Variants in DTNBP1 observed in about 807,000 individuals in gnomAD.
The protein encoded by DTNBP1 is dysbindin.
DTNBP1 carries 35 observed loss-of-function variants against 42.8 expected under a neutral mutation model. The observed-to-expected ratio is 0.82, with a 90% confidence interval of 0.63 to 1.09. The LOEUF (loss-of-function observed/expected upper bound fraction) is 1.09. Among genes scored for constraint, DTNBP1 ranks in the 50% least tolerant of loss-of-function variants. The pLI is 0.00. For synonymous variants in DTNBP1, 171 were observed against 162.2 expected (o/e 1.05, Z -0.41); for missense variants, 457 against 424.2 (o/e 1.08, Z -0.68).
At chr6:15,615,002 T>C (rs1758635580) in intron 6 of DTNBP1, 6 of 544,018 alleles carry the variant, frequency 1.1e-5, no homozygotes, top group South Asian at 5.0e-5. Context: ...GGCTCCTATT[T>C]TGCTGGAAAA....
chr6:15,524,000 T>G (rs1229987827), intron 9 of DTNBP1: 1 of 1,288,338 alleles, frequency 7.8e-7, no homozygotes, highest in Admixed American at 2.3e-5. Flanking sequence ...GTCTGGCACC[T>G]CAGCCCATAT....
chr6:15,558,761 CTGTTT>C (rs1447656898), intron 7 of DTNBP1, among the ~76,000 whole-genome samples: 1 of 152,166 alleles, frequency 6.6e-6, no homozygotes. Flanking sequence ...CCCATCCTTT[CTGTTT>C]TGTTTTTCAG....
intron 7 of DTNBP1, among the ~76,000 whole-genome samples, chr6:15,549,493 A>T (rs1774090108): frequency 1.5e-5 from 2 of 137,180 alleles, no homozygotes; most frequent in African/African-American, 5.3e-5. Flanking sequence ...TCAGGGATTA[A>T]AAAAAAAAAA....
intron 8 of DTNBP1, among the ~76,000 whole-genome samples, chr6:15,532,860 C>CG (rs1253999250): frequency 6.6e-6 from 1 of 151,606 alleles, no homozygotes; most frequent in Non-Finnish European, 1.5e-5. Flanking sequence ...CCACCACGGC[C>CG]GGCTAATTTT....
chr6:15,537,094 T>C (rs10456773), intron 7 of DTNBP1, among the ~76,000 whole-genome samples: 22,586 of 152,198 alleles, frequency 0.15, 1,892 homozygotes, highest in East Asian at 0.3. Context: ...GGCTAGACAT[T>C]TGCCTTGTGT....
At chr6:15,648,047 G>C (rs1023121030) in intron 3 of DTNBP1, among the ~76,000 whole-genome samples, 3 of 151,876 alleles carry the variant, frequency 2.0e-5, no homozygotes, top group Non-Finnish European at 4.4e-5. Flanking sequence ...TGTGTTAAAA[G>C]CATTATACAC....
intron 4 of DTNBP1, 47 bp downstream of exon 4, chr6:15,637,697 T>C: frequency 6.3e-7 from 1 of 1,595,202 alleles, no homozygotes; most frequent in Non-Finnish European, 8.6e-7. Context: ...CATTTAGCAC[T>C]GAAAAAGGAA....
At chr6:15,552,168 G>T (rs1224288976) in intron 7 of DTNBP1, among the ~76,000 whole-genome samples, 1 of 152,210 alleles carries the variant, frequency 6.6e-6, no homozygotes, top group Non-Finnish European at 1.5e-5. Context: ...TTAAGATTCA[G>T]TTCAATAAAA....
chr6:15,581,147 AGAAGT>A (rs1775811059), intron 7 of DTNBP1, among the ~76,000 whole-genome samples: 1 of 152,198 alleles, frequency 6.6e-6, no homozygotes, highest in Admixed American at 6.5e-5. Flanking sequence ...ATGGCTAGAA[AGAAGT>A]AGAAAAGGGG....
At chr6:15,648,483 C>CT (rs1286331719) in intron 3 of DTNBP1, among the ~76,000 whole-genome samples, 3 of 151,958 alleles carry the variant, frequency 2.0e-5, no homozygotes, top group African/African-American at 7.2e-5. Flanking sequence ...ATGATATGAT[C>CT]TTATATGCAG....
At chr6:15,558,026 A>C (rs926008006) in intron 7 of DTNBP1, among the ~76,000 whole-genome samples, 1 of 151,916 alleles carries the variant, frequency 6.6e-6, no homozygotes, top group African/African-American at 2.4e-5. Flanking sequence ...GGTTGTATCT[A>C]TATAAATATA....
Position 15,567,457 on chromosome 6 carries a change from GAAACAAACAAACAAAC to G in DTNBP1, c.511+25586_511+25601del, listed in dbSNP as rs59351095. ...GACACAGCCAGATTCTGTCTCTCGG[GAAACAAACAAACAAAC>G]AAACAAACAAACAAACAAACAAACC... On this transcript the variant is annotated intron_variant, in intron 7 of 9. Coordinates refer to ENST00000344537, the MANE Select transcript of DTNBP1 (RefSeq NM_032122.5). Among the ~76,000 whole-genome samples the G allele has an allele frequency of 8.8e-3, 1,326 of 150,080 alleles. 22 individuals are homozygous for G. Among genetic ancestry groups the G allele is most frequent in the African/African-American group, 0.03 (1,236 of 40,756 alleles).
intron 7 of DTNBP1, among the ~76,000 whole-genome samples, chr6:15,544,287 G>A (rs1220183653): frequency 6.6e-6 from 1 of 152,162 alleles, no homozygotes. Context: ...TTTATGGTAT[G>A]GATGTACCAC....
At chr6:15,636,155 A>AC (rs1290481026) in intron 4 of DTNBP1, among the ~76,000 whole-genome samples, 3 of 95,532 alleles carry the variant, frequency 3.1e-5, no homozygotes, top group East Asian at 2.3e-4. Flanking sequence ...AATTACCTGC[A>AC]CCTTTTTTTT....
intron 7 of DTNBP1, among the ~76,000 whole-genome samples, chr6:15,559,691 GGCA>G (rs1362627493): frequency 1.3e-5 from 2 of 152,160 alleles, no homozygotes; most frequent in African/African-American, 4.8e-5. Context: ...ACCAGCAGCT[GGCA>G]TTGGTCAGTA....
At chr6:15,657,815 T>C (rs1761371837) in intron 1 of DTNBP1, among the ~76,000 whole-genome samples, 2 of 152,232 alleles carry the variant, frequency 1.3e-5, no homozygotes, top group South Asian at 4.1e-4. Context: ...AGATATTCTA[T>C]TATTAGGCAC....
At chr6:15,576,705 G>A (rs1315674729) in intron 7 of DTNBP1, among the ~76,000 whole-genome samples, 3 of 148,712 alleles carry the variant, frequency 2.0e-5, no homozygotes, top group African/African-American at 5.0e-5. Flanking sequence ...GGAGATGGAG[G>A]TTGCAGTGAG....
At chr6:15,577,067 T>C (rs1561969629) in intron 7 of DTNBP1, among the ~76,000 whole-genome samples, 1 of 152,026 alleles carries the variant, frequency 6.6e-6, no homozygotes, top group Non-Finnish European at 1.5e-5. Context: ...CAAAGTAAAA[T>C]GTGGAGAGCC....
At chr6:15,602,324 G>C in intron 6 of DTNBP1, among the ~76,000 whole-genome samples, 1 of 152,174 alleles carries the variant, frequency 6.6e-6, no homozygotes, top group Admixed American at 6.5e-5. Flanking sequence ...CTGTTTTCTT[G>C]TTGCTGACTT....
Sources: gnomAD v4.1 joint callset for allele counts (sites outside exome capture counted in the v4.1 genomes callset) on GRCh38, gnomAD v4.1.1 for gene constraint, MANE v1.5 for transcripts, NCBI Gene and HGNC (gene_info 2026-07-23, HGNC 2026-07-21) for gene names.